The following PDZD2 variants were observed in gnomAD, a reference collection of about 807,000 sequenced individuals.
PDZD2 encodes PDZ domain containing 2.
In PDZD2, 90 loss-of-function variants were observed where a neutral mutation model predicts 220.7. That is an observed-to-expected ratio of 0.41 (90% CI 0.34 to 0.49). The LOEUF is 0.49. Ranked by LOEUF, PDZD2 falls within the 20% of genes least tolerant of loss-of-function variation. The pLI is 0.28. For missense variants in PDZD2, 3,174 were observed against 3,608.5 expected (o/e 0.88, Z 3.08); for synonymous variants, 1,375 against 1,450.5 (o/e 0.95, Z 1.18).
intron 2 of PDZD2, chr5:31,822,762 C>A: frequency 9.7e-7 from 1 of 1,036,178 alleles, no homozygotes; most frequent in Non-Finnish European, 1.4e-6. Context: ...TCATCCAAAT[C>A]CTGCAGATGT....
At chr5:32,034,520 A>C (rs1755379300) in intron 6 of PDZD2, among the ~76,000 whole-genome samples, 1 of 151,786 alleles carries the variant, frequency 6.6e-6, no homozygotes, top group Non-Finnish European at 1.5e-5. Context: ...GCCACTATGC[A>C]CAGCTAATTT....
At chr5:31,655,164 T>A (rs1745499791) in intron 1 of PDZD2, among the ~76,000 whole-genome samples, 1 of 152,026 alleles carries the variant, frequency 6.6e-6, no homozygotes, top group Admixed American at 6.6e-5. Flanking sequence ...CATTATCAGA[T>A]TTTTGTTTTG....
At chr5:31,679,597 T>C (rs1746573455) in intron 1 of PDZD2, among the ~76,000 whole-genome samples, 1 of 152,214 alleles carries the variant, frequency 6.6e-6, no homozygotes, top group South Asian at 2.1e-4. Flanking sequence ...AACCTCAACC[T>C]CCCAAGTTCA....
At chr5:31,890,135 ATT>A (rs59916833) in intron 2 of PDZD2, among the ~76,000 whole-genome samples, 6 of 98,232 alleles carry the variant, frequency 6.1e-5, no homozygotes, top group East Asian at 3.2e-4. Context: ...CTTTTTTGTG[ATT>A]TTTTTTTTTT....
intron 2 of PDZD2, among the ~76,000 whole-genome samples, chr5:31,876,251 G>C (rs1453070006): frequency 1.3e-5 from 2 of 150,186 alleles, no homozygotes; most frequent in Admixed American, 6.6e-5. Flanking sequence ...TTTGGTTATT[G>C]CTAGTGTAAA....
At chr5:31,991,807 T>C (rs1751233444) in intron 3 of PDZD2, among the ~76,000 whole-genome samples, 1 of 152,176 alleles carries the variant, frequency 6.6e-6, no homozygotes, top group Admixed American at 6.5e-5. Context: ...GGTGGGCAGA[T>C]CACCAGTGGT....
At chr5:31,961,758 C>T (rs368208502) in intron 2 of PDZD2, among the ~76,000 whole-genome samples, 1 of 152,192 alleles carries the variant, frequency 6.6e-6, no homozygotes, top group Non-Finnish European at 1.5e-5. Context: ...ATTCTCCTGC[C>T]TCAGCCTCCT....
chr5:32,065,983 C>T lies in PDZD2; in HGVS notation c.2452-3586C>T, dbSNP rs568734253. Reference sequence around the variant, plus strand: ...AGGTTGCAGTGAGCCGAGATCGCACCATCACACTCCAGCCTGGGGGACAAA... The same window carrying T: ...AGGTTGCAGTGAGCCGAGATCGCACTATCACACTCCAGCCTGGGGGACAAA... On this transcript the variant is annotated intron_variant, in intron 14 of 24. Transcript: ENST00000438447. Among the ~76,000 whole-genome samples the T allele has an allele frequency of 8.6e-4, 131 of 151,652 alleles. 3 individuals carry two copies. The highest frequency in any genetic ancestry group is 1.0e-3 in the South Asian group (5 of 4,798).
intron 2 of PDZD2, among the ~76,000 whole-genome samples, chr5:31,951,990 C>G (rs928688883): frequency 1.3e-5 from 2 of 152,134 alleles, no homozygotes; most frequent in Non-Finnish European, 2.9e-5. Context: ...TCTTATTTCT[C>G]TCTCTCATTA....
intron 7 of PDZD2, among the ~76,000 whole-genome samples, chr5:32,045,744 C>T (rs993718083): frequency 4.0e-5 from 6 of 151,570 alleles, no homozygotes; most frequent in Non-Finnish European, 7.4e-5. Context: ...TTTTTAAGAA[C>T]AAAATTTGTC....
At position 32,074,258 on chromosome 5, in the gene PDZD2, A is replaced by G; in HGVS notation, c.3152A>G (p.Asp1051Gly). Reference protein sequence around the residue: ...LEESIPEGMVDAASYAANLTD... With the variant: ...LEESIPEGMVGAASYAANLTD... ...GAGAGTATCCCAGAGGGCATGGTGG[A>G]TGCTGCGTCCTATGCAGCCAACCTC... The change falls in exon 18 of 25, where the codon GAT becomes GGT. Residue 1051 changes from aspartate (D) to glycine (G), a missense_variant. Physicochemically the swap from Asp to Gly is moderately conservative, Grantham distance 94. Around this residue, in one of 4 missense-constraint regions of PDZD2, gnomAD observed 1,861 missense variants for 2,001.0 expected, o/e 0.93. Transcript: ENST00000438447. 3 of 1,614,212 alleles carry G rather than the reference A, an allele frequency of 1.9e-6. No individual in the cohort carries two copies. Among genetic ancestry groups the G allele is most frequent in the East Asian group, 2.2e-5 (1 of 44,876 alleles).
rs138512470 is a variant in PDZD2, at chr5:32,090,533, C to T, written c.7085C>T (p.Ser2362Leu). Residue 2362 changes from serine (S) to leucine (L), a missense_variant, in exon 20 of 25, where the codon TCG becomes TTG. Transcript: ENST00000438447. This position sits in a 1 kb window ranked among gnomAD's most constrained non-coding sequence, Gnocchi z 4.3. ...AAGTCCGGGGCTTCCCCATTTTTGTCGGTGAGCTCCAAGCCTCCCATTGGG... is the reference window on the plus strand; with the variant it reads ...AAGTCCGGGGCTTCCCCATTTTTGTTGGTGAGCTCCAAGCCTCCCATTGGG... Reference protein sequence around the residue: ...VAKSGASPFLSVSSKPPIGRR... With the variant: ...VAKSGASPFLLVSSKPPIGRR... 2.3e-5 allele frequency: 37 copies of T among 1,613,758 alleles called. No individual in the cohort carries two copies. The highest frequency in any genetic ancestry group is 6.7e-5 in the East Asian group (3 of 44,882).
chr5:32,067,577 C>T (rs1367298129), intron 14 of PDZD2, among the ~76,000 whole-genome samples: 1 of 152,046 alleles, frequency 6.6e-6, no homozygotes, highest in Non-Finnish European at 1.5e-5. Context: ...ATGCTGAATT[C>T]TATATAGAAA....
chr5:31,838,084 A>G (rs1233450123), intron 2 of PDZD2, among the ~76,000 whole-genome samples: 1 of 152,184 alleles, frequency 6.6e-6, no homozygotes, highest in East Asian at 1.9e-4. Flanking sequence ...TTTATACTTT[A>G]TGGACCCCAG....
chr5:31,654,704 T>C (rs1485006479), intron 1 of PDZD2, among the ~76,000 whole-genome samples: 1 of 152,178 alleles, frequency 6.6e-6, no homozygotes, highest in Admixed American at 6.5e-5. Flanking sequence ...TCTCCCCTCA[T>C]GGAAGCTACA....
chr5:31,694,107 A>G (rs372166187), intron 1 of PDZD2, among the ~76,000 whole-genome samples: 11 of 152,204 alleles, frequency 7.2e-5, no homozygotes, highest in African/African-American at 2.2e-4. Flanking sequence ...CAGGAACAAA[A>G]CAGTGCTTGT....
At chr5:31,811,758 G>A (rs866430875) in intron 2 of PDZD2, among the ~76,000 whole-genome samples, 1 of 152,206 alleles carries the variant, frequency 6.6e-6, no homozygotes. Flanking sequence ...TGGAGGCCAA[G>A]GCAGGTGGAT....
intron 3 of PDZD2, among the ~76,000 whole-genome samples, chr5:31,991,960 G>A (rs1414501883): frequency 1.1e-4 from 16 of 152,212 alleles, no homozygotes; most frequent in Non-Finnish European, 1.5e-5. Flanking sequence ...TTGAACCCAG[G>A]AGGCAGAGGT....
At chr5:32,072,034 C>T in intron 16 of PDZD2, 127 bp from the exon 17 acceptor site, 1 of 652,030 alleles carries the variant, frequency 1.5e-6, no homozygotes, top group South Asian at 2.1e-5. Context: ...TTGGTGTTTA[C>T]TATCACAGCT....
Sources: allele counts gnomAD v4.1 joint callset (sites outside exome capture counted in the v4.1 genomes callset), GRCh38; gene constraint gnomAD v4.1.1; regional missense constraint gnomAD v4.1.1; non-coding constraint Gnocchi (gnomAD v3.1); transcripts MANE v1.5; gene names NCBI Gene and HGNC (gene_info 2026-07-23, HGNC 2026-07-21).